The following MARCHF10 variants were observed in gnomAD, a reference collection of about 807,000 sequenced individuals.
MARCHF10 encodes the protein membrane associated ring-CH-type finger 10, also known as probable E3 ubiquitin-protein ligase MARCHF10.
Under a neutral mutation model 76.2 loss-of-function variants are expected in MARCHF10, and 64 were observed. The ratio of observed to expected loss-of-function variants is 0.84; its 90% CI spans 0.69 to 1.03. MARCHF10 has a LOEUF of 1.03. Among genes scored for constraint, MARCHF10 ranks in the 50% least tolerant of loss-of-function variants. MARCHF10 has a pLI of 0.00. For missense variants in MARCHF10, 875 were observed against 958.0 expected (o/e 0.91, Z 1.14); for synonymous variants, 340 against 357.5 (o/e 0.95, Z 0.55).
intron 2 of MARCHF10, among the ~76,000 whole-genome samples, chr17:62,797,865 G>A (rs1025931040): frequency 6.6e-6 from 1 of 152,136 alleles, no homozygotes; most frequent in Non-Finnish European, 1.5e-5. Flanking sequence ...GAACCATGGG[G>A]TGGCAACAGG....
intron 10 of MARCHF10, 105 bp from the exon 11 acceptor site, chr17:62,701,863 G>A: frequency 6.8e-7 from 1 of 1,474,274 alleles, no homozygotes. Context: ...CCATCCCTGA[G>A]GCCCAGCCAC....
chr17:62,793,531 ACCACCACCACCACCTCCACTG>A (rs1167785261), intron 2 of MARCHF10, among the ~76,000 whole-genome samples: 5 of 112,206 alleles, frequency 4.5e-5, no homozygotes, highest in African/African-American at 1.5e-4. Flanking sequence ...CACCTCCATC[ACCACCACCACCACCTCCACTG>A]CCACCACCAC....
rs573811750 is a variant in MARCHF10, at chr17:62,782,259, T to G, written c.210+6221A>C. On this transcript the variant is annotated intron_variant, in intron 3 of 10. Coordinates refer to ENST00000311269, the MANE Select transcript of MARCHF10 (RefSeq NM_152598.4). ...ACTAGCTCCAGGACCTCCCTGGAGT[T>G]GTGGACCCTGTGGGAAGAGGCTGAA... Among the ~76,000 whole-genome samples, 70 of 151,956 alleles carry G rather than the reference T, an allele frequency of 4.6e-4. 1 individual carries two copies. Among genetic ancestry groups the G allele is most frequent in the Middle Eastern group, 6.8e-3 (2 of 292 alleles).
intron 10 of MARCHF10, chr17:62,704,946 G>GTTTTTTTTT: frequency 1.2e-6 from 1 of 837,080 alleles, no homozygotes; most frequent in Non-Finnish European, 1.4e-6. Context: ...TTCTCCAGTC[G>GTTTTTTTTT]TTTTTTTTTT....
rs1004255924 is a variant in MARCHF10, at chr17:62,738,565, C to T, written c.536-1233G>A. Among the ~76,000 whole-genome samples, 2 of 152,148 alleles carry T rather than the reference C, an allele frequency of 1.3e-5. No homozygotes were observed. Among genetic ancestry groups the T allele is most frequent in the African/African-American group, 4.8e-5 (2 of 41,420 alleles). ...ACCCTGTAGAGTGGACGGGACTCCA[C>T]GGGCCCTGGAAGGTCTGTGTTGATA... On this transcript the variant is annotated intron_variant, in intron 5 of 10. Transcript: ENST00000311269. This position sits in a 1 kb window ranked among gnomAD's most constrained non-coding sequence, Gnocchi z 4.0.
chr17:62,758,584 T>C (rs903351225), intron 4 of MARCHF10, among the ~76,000 whole-genome samples: 1 of 152,150 alleles, frequency 6.6e-6, no homozygotes, highest in Non-Finnish European at 1.5e-5. Flanking sequence ...CCTGATTAAA[T>C]AAGAAGCAAG....
chr17:62,783,208 T>G (rs1445822875), intron 3 of MARCHF10, among the ~76,000 whole-genome samples: 4 of 149,398 alleles, frequency 2.7e-5, no homozygotes, highest in Non-Finnish European at 5.9e-5. Context: ...TTTTTTTTTT[T>G]TTTTTTTTTT....
intron 3 of MARCHF10, among the ~76,000 whole-genome samples, chr17:62,774,906 T>A (rs771534756): frequency 5.9e-5 from 9 of 151,580 alleles, no homozygotes; most frequent in Non-Finnish European, 1.2e-4. Flanking sequence ...ATACAAAAAT[T>A]AGCCGGGTGT....
chr17:62,736,920 T>A lies in MARCHF10; in HGVS notation c.948A>T (p.Arg316Ser), dbSNP rs1377568798. ...RSPCSPSHHKRSRFGGTSTPQ... is the reference protein window; with the variant it reads ...RSPCSPSHHKSSRFGGTSTPQ... ...GGGTCGATGTCCCCCCAAATCTACT[T>A]CTTTTGTGATGGGAAGGAGAACAGG... Residue 316 changes from arginine to serine, a missense_variant, in exon 6 of 11, where the codon AGA becomes AGT. Physicochemically the swap from Arg to Ser is moderately radical, Grantham distance 110 (BLOSUM62 -1). Transcript: ENST00000311269. The A allele has an allele frequency of 6.2e-7, 1 of 1,613,992 alleles. No individual in the cohort carries two copies. Among genetic ancestry groups the A allele is most frequent in the Non-Finnish European group, 8.5e-7 (1 of 1,180,010 alleles).
intron 1 of MARCHF10, among the ~76,000 whole-genome samples, chr17:62,802,257 G>T (rs1238158214): frequency 1.3e-5 from 2 of 152,076 alleles, no homozygotes; most frequent in Non-Finnish European, 2.9e-5. Flanking sequence ...TTTTGCATTT[G>T]TTGCTCAGGC....
chr17:62,703,605 G>T (rs1254823040), intron 10 of MARCHF10, among the ~76,000 whole-genome samples: 1 of 152,250 alleles, frequency 6.6e-6, no homozygotes, highest in Non-Finnish European at 1.5e-5. Context: ...GCCTCCAGGG[G>T]AGAACTGGCT....
intron 4 of MARCHF10, among the ~76,000 whole-genome samples, chr17:62,745,809 G>C (rs377684191): frequency 6.6e-6 from 1 of 152,324 alleles, no homozygotes; most frequent in South Asian, 2.1e-4. Flanking sequence ...TAGCGTCAGT[G>C]CACGTGAATG....
At chr17:62,707,065 C>T (rs528067535) in intron 9 of MARCHF10, among the ~76,000 whole-genome samples, 1 of 152,326 alleles carries the variant, frequency 6.6e-6, no homozygotes, top group Admixed American at 6.5e-5. Context: ...AGACCCAGCC[C>T]TGTCCTTCCC....
chr17:62,793,822 ACCT>A (rs200561527), intron 2 of MARCHF10, among the ~76,000 whole-genome samples: 1,650 of 130,206 alleles, frequency 0.013, 40 homozygotes, highest in African/African-American at 0.048. Flanking sequence ...CACCACCAAC[ACCT>A]CCATCACCAC....
At chr17:62,770,004 T>G (rs1459606487) in intron 3 of MARCHF10, among the ~76,000 whole-genome samples, 1 of 152,212 alleles carries the variant, frequency 6.6e-6, no homozygotes, top group East Asian at 1.9e-4. Flanking sequence ...AGATAGTTTT[T>G]CAATCCACAT....
chr17:62,734,236 C>A (rs1599143926), intron 6 of MARCHF10, among the ~76,000 whole-genome samples: 1 of 151,920 alleles, frequency 6.6e-6, no homozygotes, highest in Non-Finnish European at 1.5e-5. Flanking sequence ...AAGCAAAAAA[C>A]CCCAAAACAC....
chr17:62,790,462 C>T (rs1159442603), intron 2 of MARCHF10, among the ~76,000 whole-genome samples: 2 of 152,284 alleles, frequency 1.3e-5, no homozygotes, highest in African/African-American at 4.8e-5. Flanking sequence ...AGGCATGAGC[C>T]GCCACACCCA....
chr17:62,778,797 T>G (rs2092602087), intron 3 of MARCHF10, among the ~76,000 whole-genome samples: 1 of 151,798 alleles, frequency 6.6e-6, no homozygotes, highest in Non-Finnish European at 1.5e-5. Context: ...AGTGTTTGAT[T>G]GCTGGAAGTA....
chr17:62,729,954 TG>T (rs1002474527), intron 6 of MARCHF10, among the ~76,000 whole-genome samples: 4 of 152,110 alleles, frequency 2.6e-5, no homozygotes, highest in Non-Finnish European at 5.9e-5. Flanking sequence ...GAGGCCAAGG[TG>T]GGCAGATCAT....
Sources: gnomAD v4.1 joint callset for allele counts (sites outside exome capture counted in the v4.1 genomes callset) on GRCh38, gnomAD v4.1.1 for gene constraint, Gnocchi (gnomAD v3.1) non-coding constraint, MANE v1.5 for transcripts, NCBI Gene and HGNC (gene_info 2026-07-23, HGNC 2026-07-21) for gene names.